Variants in ARHGAP19 observed in about 807,000 individuals in gnomAD.
The protein encoded by ARHGAP19 is rho GTPase-activating protein 19.
ARHGAP19 carries 48 observed loss-of-function variants against 60.9 expected under a neutral mutation model. The ratio of observed to expected loss-of-function variants is 0.79; its 90% confidence interval spans 0.62 to 1.00. The LOEUF (loss-of-function observed/expected upper bound fraction) is 1.00. Ranked by LOEUF, ARHGAP19 falls within the 50% of genes least tolerant of loss-of-function variation. The pLI is 0.00. For synonymous variants in ARHGAP19, 209 were observed against 215.5 expected (o/e 0.97, Z 0.27); for missense variants, 562 against 597.2 (o/e 0.94, Z 0.61).
intron 8 of ARHGAP19, among the ~76,000 whole-genome samples, chr10:97,238,175 G>A (rs1842411671): frequency 6.6e-6 from 1 of 152,092 alleles, no homozygotes; most frequent in African/African-American, 2.4e-5. Context: ...GTAGGCCTAG[G>A]TTAATGTGTA....
chr10:97,239,950 G>A (rs1198558430), intron 8 of ARHGAP19, among the ~76,000 whole-genome samples: 1 of 151,680 alleles, frequency 6.6e-6, no homozygotes, highest in African/African-American at 2.4e-5. Flanking sequence ...CAGGTGACCG[G>A]CCTGCCTCAG....
chr10:97,256,060 T>C (rs963662533), intron 6 of ARHGAP19, among the ~76,000 whole-genome samples: 1 of 152,158 alleles, frequency 6.6e-6, no homozygotes, highest in African/African-American at 2.4e-5. Flanking sequence ...CTGCCACGTG[T>C]GCTGCCTTTG....
intron 8 of ARHGAP19, among the ~76,000 whole-genome samples, chr10:97,241,700 G>GA (rs1842484820): frequency 6.6e-6 from 1 of 151,674 alleles, no homozygotes; most frequent in African/African-American, 2.4e-5. Flanking sequence ...GCAACAGAGC[G>GA]AGACTCTGTC....
intron 6 of ARHGAP19, 104 bp from the exon 7 acceptor site, chr10:97,246,441 T>C: frequency 1.1e-6 from 1 of 918,996 alleles, no homozygotes; most frequent in South Asian, 1.5e-5. Context: ...ACCAGCAGAT[T>C]ACTTTTAAAA....
chr10:97,256,222 T>A, intron 6 of ARHGAP19, 96 bp downstream of exon 6: 1 of 1,009,650 alleles, frequency 9.9e-7, no homozygotes, highest in East Asian at 2.4e-5. Context: ...ATTCAGGACC[T>A]TTTTCTCGTT....
chr10:97,280,899 G>T (rs892856099), intron 1 of ARHGAP19, among the ~76,000 whole-genome samples: 7 of 152,190 alleles, frequency 4.6e-5, no homozygotes, highest in African/African-American at 1.4e-4. Flanking sequence ...AGACTTTTAA[G>T]TGCCATGAGT....
At chr10:97,250,391 T>C (rs1014313279) in intron 6 of ARHGAP19, among the ~76,000 whole-genome samples, 1 of 2,032 alleles carries the variant, frequency 4.9e-4, no homozygotes, top group Non-Finnish European at 0.12. Context: ...TTTCTTTTTC[T>C]TTTTTTTTTT....
At chr10:97,285,519 C>CTTT (rs1245251335) in intron 1 of ARHGAP19, among the ~76,000 whole-genome samples, 29 of 110,910 alleles carry the variant, frequency 2.6e-4, no homozygotes, top group South Asian at 3.1e-4. Context: ...TTTTTTTTTG[C>CTTT]TTTTTTTTTT....
intron 1 of ARHGAP19, among the ~76,000 whole-genome samples, chr10:97,267,377 C>T (rs1842911487): frequency 6.6e-6 from 1 of 152,242 alleles, no homozygotes; most frequent in African/African-American, 2.4e-5. Flanking sequence ...TTCCTGGTTG[C>T]TTTCACAGGC....
At chr10:97,270,740 G>A in intron 1 of ARHGAP19, 3 of 1,445,888 alleles carry the variant, frequency 2.1e-6, no homozygotes, top group Non-Finnish European at 2.8e-6. Flanking sequence ...AGACATGTTA[G>A]AGGATACAAG....
At chr10:97,239,949 G>A (rs537472056) in intron 8 of ARHGAP19, among the ~76,000 whole-genome samples, 2 of 151,562 alleles carry the variant, frequency 1.3e-5, no homozygotes, top group South Asian at 2.1e-4. Flanking sequence ...TCAGGTGACC[G>A]GCCTGCCTCA....
chr10:97,257,648 C>G (rs1010362021), intron 5 of ARHGAP19, among the ~76,000 whole-genome samples: 1 of 152,090 alleles, frequency 6.6e-6, no homozygotes, highest in Non-Finnish European at 1.5e-5. Context: ...TCTTGGTTAG[C>G]TGGTTCTAAA....
At chr10:97,250,310 T>A (rs10882881) in intron 6 of ARHGAP19, among the ~76,000 whole-genome samples, 79,432 of 151,806 alleles carry the variant, frequency 0.52, 22,068 homozygotes, top group East Asian at 0.71. Context: ...AACTTTTCTC[T>A]ATATTTGAAA....
intron 7 of ARHGAP19, 129 bp downstream of exon 7, chr10:97,246,143 G>A (rs753520412): frequency 1.2e-5 from 9 of 725,438 alleles, no homozygotes; most frequent in Non-Finnish European, 1.8e-5. Flanking sequence ...AAATGACTAA[G>A]TAATTTTGAG....
intron 11 of ARHGAP19, among the ~76,000 whole-genome samples, chr10:97,227,211 T>C (rs1368211519): frequency 6.6e-6 from 1 of 152,250 alleles, no homozygotes; most frequent in African/African-American, 2.4e-5. Context: ...AAGAATATGT[T>C]ACTTTTATTA....
At chr10:97,280,091 G>A (rs575107412) in intron 1 of ARHGAP19, among the ~76,000 whole-genome samples, 3 of 152,182 alleles carry the variant, frequency 2.0e-5, no homozygotes, top group South Asian at 4.2e-4. Context: ...TGTACAATGG[G>A]AAGAAAGTTA....
At chr10:97,250,005 C>T (rs990390012) in intron 6 of ARHGAP19, among the ~76,000 whole-genome samples, 16 of 151,924 alleles carry the variant, frequency 1.1e-4, no homozygotes, top group African/African-American at 2.2e-4. Context: ...AGGATGGTCT[C>T]GATCTCCTGA....
At chr10:97,250,839 G>A (rs912476900) in intron 6 of ARHGAP19, among the ~76,000 whole-genome samples, 45 of 152,148 alleles carry the variant, frequency 3.0e-4, no homozygotes, top group African/African-American at 1.0e-3. Flanking sequence ...GCCAAGGCAG[G>A]AGAAATGCTT....
At chr10:97,256,907 G>A (rs1233149524) in intron 5 of ARHGAP19, among the ~76,000 whole-genome samples, 4 of 151,960 alleles carry the variant, frequency 2.6e-5, no homozygotes, top group Non-Finnish European at 5.9e-5. Context: ...AGATCACGAG[G>A]TCAGGAGATT....
Sources: allele counts gnomAD v4.1 joint callset (sites outside exome capture counted in the v4.1 genomes callset), GRCh38; gene constraint gnomAD v4.1.1; transcripts MANE v1.5; gene names NCBI Gene and HGNC (gene_info 2026-07-23, HGNC 2026-07-21).